The following HSF5 variants were observed in gnomAD, a reference collection of about 807,000 sequenced individuals.
HSF5 encodes heat shock factor protein 5.
HSF5 carries 5 observed loss-of-function variants against 50.8 expected under a neutral mutation model. That is an observed-to-expected ratio of 0.10 (90% CI 0.05 to 0.21). The LOEUF (loss-of-function observed/expected upper bound fraction) is 0.21, where lower values mean the gene tolerates loss of function less well. Ranked by LOEUF, HSF5 falls within the 10% of genes least tolerant of loss-of-function variation. HSF5 has a pLI of 1.00. For synonymous variants in HSF5, 307 were observed against 307.4 expected (o/e 1.00, Z 0.02); for missense variants, 564 against 762.6 (o/e 0.74, Z 3.07).
chr17:58,441,409 A>G (rs761712985), intron 5 of HSF5, among the ~76,000 whole-genome samples: 3 of 152,210 alleles, frequency 2.0e-5, no homozygotes, highest in Non-Finnish European at 2.9e-5. Context: ...TGTTAATCTT[A>G]GAAAAGAAGA....
At chr17:58,472,610 C>G (rs1207317089) in intron 2 of HSF5, among the ~76,000 whole-genome samples, 1 of 152,176 alleles carries the variant, frequency 6.6e-6, no homozygotes, top group Non-Finnish European at 1.5e-5. Context: ...ATTAAGGCCA[C>G]TTTATAGAAA....
chr17:58,474,151 A>G (rs1335070635), intron 2 of HSF5, among the ~76,000 whole-genome samples: 1 of 152,244 alleles, frequency 6.6e-6, no homozygotes, highest in Non-Finnish European at 1.5e-5. Flanking sequence ...CTCTTCATAA[A>G]TAAGTACTCA....
intron 1 of HSF5, among the ~76,000 whole-genome samples, chr17:58,483,732 A>G (rs1975130818): frequency 6.6e-6 from 1 of 152,232 alleles, no homozygotes; most frequent in South Asian, 2.1e-4. Context: ...AAACAAAATA[A>G]CAAAAGCGCA....
At chr17:58,472,039 T>C (rs1974953687) in intron 2 of HSF5, among the ~76,000 whole-genome samples, 1 of 151,940 alleles carries the variant, frequency 6.6e-6, no homozygotes, top group South Asian at 2.1e-4. Context: ...GGATTTTTAG[T>C]AGAGATGGGG....
chr17:58,450,441 C>T (rs1598188919), intron 5 of HSF5, among the ~76,000 whole-genome samples: 1 of 150,584 alleles, frequency 6.6e-6, no homozygotes, highest in Non-Finnish European at 1.5e-5. Context: ...AGAGCATTAG[C>T]TATACTTATA....
intron 1 of HSF5, 150 bp downstream of exon 1, chr17:58,487,575 C>G: frequency 7.9e-7 from 1 of 1,261,564 alleles, no homozygotes; most frequent in Non-Finnish European, 1.0e-6. Context: ...GCGGGACCGC[C>G]AGTCTCGGGA....
At chr17:58,432,513 G>A (rs1008336075) in intron 5 of HSF5, among the ~76,000 whole-genome samples, 1 of 152,146 alleles carries the variant, frequency 6.6e-6, no homozygotes, top group Non-Finnish European at 1.5e-5. Flanking sequence ...ACAATAGCAA[G>A]TGTAAAGGCT....
At chr17:58,447,772 C>G (rs1015766267) in intron 5 of HSF5, among the ~76,000 whole-genome samples, 5 of 152,166 alleles carry the variant, frequency 3.3e-5, no homozygotes, top group Admixed American at 2.0e-4. Flanking sequence ...TGAAGGAGGA[C>G]AGGTACAAAC....
rs150315887 is a variant in HSF5, at chr17:58,474,096, G to A, written c.925+5797C>T. 5.8e-3 allele frequency among the ~76,000 whole-genome samples: 888 copies of A among 152,206 alleles called. 5 individuals are homozygous for A. The highest frequency in any genetic ancestry group is 9.4e-3 in the African/African-American group (390 of 41,542). On this transcript the variant is annotated intron_variant, in intron 2 of 5. Coordinates refer to ENST00000323777, the MANE Select transcript of HSF5 (RefSeq NM_001080439.3). Reference sequence around the variant, plus strand: ...TGGCCTTAAGTGATCCACCCGCCTCGTGAGAATGATACTCTATTTAATTTT... The same window carrying A: ...TGGCCTTAAGTGATCCACCCGCCTCATGAGAATGATACTCTATTTAATTTT...
intron 2 of HSF5, among the ~76,000 whole-genome samples, chr17:58,478,300 T>TATAC (rs1555644235): frequency 1.4e-4 from 21 of 145,108 alleles, no homozygotes; most frequent in East Asian, 1.0e-3. Flanking sequence ...TATATATATA[T>TATAC]ACACACACAC....
chr17:58,488,292 G>A lies in HSF5; in HGVS notation c.-18C>T, dbSNP rs761767668. Reference sequence around the variant, plus strand: ...GCCTCCATCGCCCCGCCGGGCCGGGGCCTCGCCCCCCGAGCCTAGCTCTCC... The same window carrying A: ...GCCTCCATCGCCCCGCCGGGCCGGGACCTCGCCCCCCGAGCCTAGCTCTCC... On this transcript the variant is annotated 5_prime_UTR_variant, in exon 1 of 6. Coordinates refer to ENST00000323777, the MANE Select transcript of HSF5 (RefSeq NM_001080439.3). The surrounding 1 kb of genome is among the most constrained non-coding windows in gnomAD (Gnocchi z 4.1). 2.7e-6 allele frequency: 4 copies of A among 1,455,706 alleles called. No homozygotes were observed. In the East Asian group the frequency reaches 7.9e-5, roughly 29 times the overall value. 90.2% of individuals were successfully genotyped at this position (1,455,706 alleles called of 1,614,324 possible). A position where few individuals can be genotyped will look rare whatever the true frequency, so the allele number is the denominator to read the frequency against.
chr17:58,479,681 C>T (rs760476588), intron 2 of HSF5, among the ~76,000 whole-genome samples: 2 of 152,168 alleles, frequency 1.3e-5, no homozygotes, highest in Non-Finnish European at 2.9e-5. Flanking sequence ...CACCTTTATA[C>T]ATCAACAAAA....
intron 2 of HSF5, chr17:58,476,159 T>C (rs1975009352): frequency 1.9e-6 from 2 of 1,028,262 alleles, no homozygotes; most frequent in Non-Finnish European, 2.9e-6. Context: ...CTTCTCTCCT[T>C]CCTCCCCTTC....
chr17:58,473,604 T>C (rs1295349816), intron 2 of HSF5, among the ~76,000 whole-genome samples: 1 of 152,138 alleles, frequency 6.6e-6, no homozygotes, highest in Non-Finnish European at 1.5e-5. Flanking sequence ...CTACAAAATC[T>C]TGCCTTTGAA....
chr17:58,477,049 A>G (rs1975022819), intron 2 of HSF5: 2 of 525,962 alleles, frequency 3.8e-6, no homozygotes, highest in Non-Finnish European at 6.8e-6. Flanking sequence ...TGCTGGGTCC[A>G]GCCACCTCCT....
At chr17:58,436,345 CT>C (rs35322798) in intron 5 of HSF5, among the ~76,000 whole-genome samples, 25,699 of 145,546 alleles carry the variant, frequency 0.18, 2,248 homozygotes, top group Middle Eastern at 0.24. Flanking sequence ...AATTAAAAAA[CT>C]TTTTTTTTTT....
chr17:58,446,962 T>C (rs1455701212), intron 5 of HSF5, among the ~76,000 whole-genome samples: 2 of 152,056 alleles, frequency 1.3e-5, no homozygotes, highest in Admixed American at 6.5e-5. Flanking sequence ...CTGTCTCTAC[T>C]AAAAATGCAA....
intron 3 of HSF5, among the ~76,000 whole-genome samples, chr17:58,465,173 A>T (rs1404913738): frequency 0.02 from 795 of 38,908 alleles, no homozygotes; most frequent in Non-Finnish European, 0.023. Context: ...TCCTTCCTTT[A>T]TTTCTTTTCT....
chr17:58,484,071 T>C (rs1462280040), intron 1 of HSF5, among the ~76,000 whole-genome samples: 3 of 152,202 alleles, frequency 2.0e-5, no homozygotes, highest in Non-Finnish European at 4.4e-5. Flanking sequence ...ATTCAAGTTC[T>C]AATATTCTTG....
Sources: gnomAD v4.1 joint callset for allele counts (sites outside exome capture counted in the v4.1 genomes callset) on GRCh38, gnomAD v4.1.1 for gene constraint, Gnocchi (gnomAD v3.1) non-coding constraint, MANE v1.5 for transcripts, NCBI Gene and HGNC (gene_info 2026-07-23, HGNC 2026-07-21) for gene names.